RSPO4: variants seen among roughly 807,000 people sequenced by gnomAD.
RSPO4 encodes R-spondin-4.
Under a neutral mutation model 24.8 loss-of-function variants are expected in RSPO4, and 23 were observed. That is an observed-to-expected ratio of 0.93 (90% CI 0.67 to 1.31). The LOEUF (loss-of-function observed/expected upper bound fraction) is 1.31. RSPO4 is among the 40% of genes most tolerant of loss of function. The probability of loss-of-function intolerance (pLI) is 0.00; values close to 1 mark genes in which losing one functional copy is unlikely to be tolerated. For missense variants in RSPO4, 333 were observed against 316.5 expected (o/e 1.05, Z -0.39); for synonymous variants, 141 against 127.4 (o/e 1.11, Z -0.72).
chr20:1,002,270 G>C lies in RSPO4; in HGVS notation c.-106C>G, dbSNP rs900804688. ...GCGCGGGGGCTGCTGTGGGCGCGCC[G>C]GGCGCATCCGCCAGGCGCGGGTCGG... On this transcript the variant is annotated 5_prime_UTR_variant, in exon 1 of 5. Transcript: ENST00000217260. This position sits in a 1 kb window ranked among gnomAD's most constrained non-coding sequence, Gnocchi z 4.6. 3.6e-6 allele frequency: 2 copies of C among 559,350 alleles called. No individual in the cohort carries two copies. Among genetic ancestry groups the C allele is most frequent in the African/African-American group, 2.0e-5 (1 of 49,702 alleles). The allele number at this position is 559,350 out of a possible 1,614,324, so 34.6% of individuals were successfully genotyped here.
At position 970,716 on chromosome 20, in the gene RSPO4, C is replaced by T. The variant is rs929820718; in HGVS notation, c.80-2578G>A. ...ATTCAGATTCTGATACTACCCAGAG[C>T]TGGCAAGAATGAGAGGAAACCTTCG... On this transcript the variant is annotated intron_variant, in intron 1 of 4. Coordinates refer to ENST00000217260, the MANE Select transcript of RSPO4 (RefSeq NM_001029871.4). The surrounding 1 kb of genome is among the most constrained non-coding windows in gnomAD (Gnocchi z 4.1). Among the ~76,000 whole-genome samples, 2 of 152,180 alleles carry T rather than the reference C, an allele frequency of 1.3e-5. No individual in the cohort carries two copies. The highest frequency in any genetic ancestry group is 4.1e-4 in the South Asian group (2 of 4,832).
At chr20:979,156 T>C (rs1984658220) in intron 1 of RSPO4, among the ~76,000 whole-genome samples, 1 of 152,074 alleles carries the variant, frequency 6.6e-6, no homozygotes, top group South Asian at 2.1e-4. Flanking sequence ...TTTCTCCACC[T>C]TTCCTGTCCC....
chr20:995,948 C>T (rs1424939635), intron 1 of RSPO4, among the ~76,000 whole-genome samples: 1 of 152,222 alleles, frequency 6.6e-6, no homozygotes, highest in Non-Finnish European at 1.5e-5. Context: ...CTCATACACC[C>T]ATTCACATAT....
chr20:990,130 G>A (rs1985048815), intron 1 of RSPO4, among the ~76,000 whole-genome samples: 2 of 152,226 alleles, frequency 1.3e-5, no homozygotes, highest in South Asian at 4.1e-4. Context: ...AACTACTGGA[G>A]AGGAGCCTGC....
At chr20:996,104 G>A (rs1392142739) in intron 1 of RSPO4, among the ~76,000 whole-genome samples, 1 of 152,158 alleles carries the variant, frequency 6.6e-6, no homozygotes. Flanking sequence ...TAAGAAGAGT[G>A]GAGTACATGA....
At chr20:975,478 C>T (rs897170912) in intron 1 of RSPO4, among the ~76,000 whole-genome samples, 8 of 152,094 alleles carry the variant, frequency 5.3e-5, no homozygotes, top group African/African-American at 1.7e-4. Flanking sequence ...AAAGCATGGC[C>T]CTGTGTTGCT....
At position 1,002,202 on chromosome 20, in the gene RSPO4, CCCGACGG is replaced by C; in HGVS notation, c.-45_-39del. 3 of 1,478,982 alleles carry C rather than the reference CCCGACGG, an allele frequency of 2.0e-6. No homozygotes were observed. The highest frequency in any genetic ancestry group is 2.7e-6 in the Non-Finnish European group (3 of 1,109,934). The allele number at this position is 1,478,982 out of a possible 1,614,324, so 91.6% of individuals were successfully genotyped here. On this transcript the variant is annotated 5_prime_UTR_variant, in exon 1 of 5. Coordinates refer to ENST00000217260, the MANE Select transcript of RSPO4 (RefSeq NM_001029871.4). This position sits in a 1 kb window ranked among gnomAD's most constrained non-coding sequence, Gnocchi z 4.6. ...ATCCGGGCTGGCGCTCCCCAGGCGG[CCCGACGG>C]CCCAAGGGCCCCACGTCCCGGCGGC...
intron 1 of RSPO4, among the ~76,000 whole-genome samples, chr20:998,576 C>T (rs985845442): frequency 6.6e-6 from 1 of 152,192 alleles, no homozygotes; most frequent in Admixed American, 6.5e-5. Flanking sequence ...CAAGCAGGCT[C>T]AGAGAGGGCA....
At chr20:963,307 C>T (rs888116653) in intron 4 of RSPO4, among the ~76,000 whole-genome samples, 4 of 152,086 alleles carry the variant, frequency 2.6e-5, no homozygotes, top group South Asian at 2.1e-4. Context: ...TCATGAATAC[C>T]AATTGGTTTC....
At chr20:999,092 C>A (rs763723790) in intron 1 of RSPO4, among the ~76,000 whole-genome samples, 3 of 151,348 alleles carry the variant, frequency 2.0e-5, no homozygotes, top group African/African-American at 4.9e-5. Context: ...TGGGCTGAAG[C>A]GATCCTCCCA....
chr20:959,681 G>C lies in RSPO4; in HGVS notation c.*676C>G, dbSNP rs989795788. On this transcript the variant is annotated 3_prime_UTR_variant, in exon 5 of 5. Transcript: ENST00000217260. ...AGGTTGTGACCCTCCACGGCCAGCTGGGGGAGGTGTCCAAGCCAGGCCTCT... is the reference window on the plus strand; with the variant it reads ...AGGTTGTGACCCTCCACGGCCAGCTCGGGGAGGTGTCCAAGCCAGGCCTCT... 2 of 152,324 alleles carry C rather than the reference G, an allele frequency of 1.3e-5. No homozygotes were observed. Among genetic ancestry groups the C allele is most frequent in the Non-Finnish European group, 2.9e-5 (2 of 68,134 alleles). The allele number at this position is 152,324 out of a possible 1,614,324, so 9.4% of individuals were successfully genotyped here.
chr20:960,394 A>G lies in RSPO4; in HGVS notation c.668T>C (p.Leu223Pro). Reference protein sequence around the residue: ...PRKDRKLDRRLDVRPRQPGLQ... With the variant: ...PRKDRKLDRRPDVRPRQPGLQ... ...GCCGGGCTGGCGCGGCCTCACGTCC[A>G]GCCTGCGGTCCAGCTTCCTGTCCTT... is the stretch of plus-strand genomic sequence containing the variant. The change falls in exon 5 of 5, where the codon CTG becomes CCG. Residue 223 changes from leucine to proline, a missense_variant. By Grantham distance (98) the Leu-to-Pro change is moderately conservative. Coordinates refer to ENST00000217260, the MANE Select transcript of RSPO4 (RefSeq NM_001029871.4). The G allele has an allele frequency of 6.5e-7, 1 of 1,538,838 alleles. No homozygotes were observed. Among genetic ancestry groups the G allele is most frequent in the Non-Finnish European group, 8.7e-7 (1 of 1,147,410 alleles).
At position 960,623 on chromosome 20, in the gene RSPO4, T is replaced by C. The variant is rs572513928; in HGVS notation, c.596-157A>G. Among the ~76,000 whole-genome samples the C allele has an allele frequency of 2.6e-5, 4 of 152,308 alleles. No individual in the cohort carries two copies. In the South Asian group the frequency reaches 8.3e-4, roughly 32 times the overall value. ...ACCTTGCAGTCCCTCCTGTTGAGAG[T>C]TTGGACCGTGGGCTAAGGTACCCCA... On this transcript the variant is annotated intron_variant, in intron 4 of 4. Transcript: ENST00000217260.
intron 1 of RSPO4, among the ~76,000 whole-genome samples, chr20:985,320 CCCAT>C (rs1420709360): frequency 1.3e-5 from 2 of 151,972 alleles, no homozygotes; most frequent in Non-Finnish European, 2.9e-5. Flanking sequence ...CACCCACCCA[CCCAT>C]CATCCACCCA....
intron 1 of RSPO4, among the ~76,000 whole-genome samples, chr20:969,335 T>G (rs1180871506): frequency 6.6e-6 from 1 of 152,074 alleles, no homozygotes; most frequent in Non-Finnish European, 1.5e-5. Context: ...TAAAAAGAAG[T>G]GGACAGCCTA....
chr20:980,167 G>T (rs1237906656), intron 1 of RSPO4, among the ~76,000 whole-genome samples: 1 of 152,166 alleles, frequency 6.6e-6, no homozygotes, highest in African/African-American at 2.4e-5. Context: ...GCTTGCCCGA[G>T]GTCACTTAAT....
Position 967,254 on chromosome 20 carries a change from T to C in RSPO4, c.329A>G (p.Gln110Arg). The C allele has an allele frequency of 6.2e-7, 1 of 1,614,226 alleles. No individual in the cohort carries two copies. Among genetic ancestry groups the C allele is most frequent in the Non-Finnish European group, 8.5e-7 (1 of 1,180,026 alleles). Residue 110 changes from glutamine to arginine, a missense_variant, in exon 3 of 5, where the codon CAG becomes CGG. Physicochemically the swap from Gln to Arg is conservative, Grantham distance 43 (BLOSUM62 1). Coordinates refer to ENST00000217260, the MANE Select transcript of RSPO4 (RefSeq NM_001029871.4). ...SQDFCIRCKR[Q>R]FYLYKGKCLP... is the part of the protein sequence containing the mutation. The stretch of plus-strand genomic sequence containing the variant: ...ACACTTCCCCTTGTACAAGTAAAAC[T>C]GCCTCTTGCACCGGATGCAGAAGTC...
intron 1 of RSPO4, among the ~76,000 whole-genome samples, chr20:1,001,031 G>C (rs11906926): frequency 0.11 from 17,011 of 152,222 alleles, 2,176 homozygotes; most frequent in African/African-American, 0.31. Context: ...GCTCAGACCC[G>C]ATGCCAGGGC....
At chr20:993,369 T>C (rs367563712) in intron 1 of RSPO4, among the ~76,000 whole-genome samples, 2 of 152,196 alleles carry the variant, frequency 1.3e-5, no homozygotes, top group African/African-American at 4.8e-5. Flanking sequence ...AAGCAGACCA[T>C]TCCCGAAGGG....
Sources: gnomAD v4.1 joint callset for allele counts (sites outside exome capture counted in the v4.1 genomes callset) on GRCh38, gnomAD v4.1.1 for gene constraint, Gnocchi (gnomAD v3.1) non-coding constraint, MANE v1.5 for transcripts, NCBI Gene and HGNC (gene_info 2026-07-23, HGNC 2026-07-21) for gene names.